The following ATXN7L1 variants were observed in gnomAD, a reference collection of about 807,000 sequenced individuals.
ATXN7L1 encodes ataxin-7-like protein 1.
ATXN7L1 carries 15 observed loss-of-function variants against 70.8 expected under a neutral mutation model. That is an observed-to-expected ratio of 0.21 (90% CI 0.14 to 0.33). The LOEUF (loss-of-function observed/expected upper bound fraction) is 0.33. Among genes scored for constraint, ATXN7L1 ranks in the 10% least tolerant of loss-of-function variants. The pLI is 1.00. For missense variants in ATXN7L1, 975 were observed against 1,097.1 expected (o/e 0.89, Z 1.57); for synonymous variants, 440 against 445.1 (o/e 0.99, Z 0.14).
Position 105,644,298 on chromosome 7 carries a change from G to A in ATXN7L1, c.579-1177C>T, listed in dbSNP as rs138564193. Among the ~76,000 whole-genome samples, 6 of 152,248 alleles carry A rather than the reference G, an allele frequency of 3.9e-5. No homozygotes were observed. The East Asian group carries it at 9.6e-4, about 24-fold the overall frequency. On this transcript the variant is annotated intron_variant, in intron 4 of 11. Coordinates refer to ENST00000419735, the MANE Select transcript of ATXN7L1 (RefSeq NM_020725.2). ...TTATTTTAGCCCCCTCTCAGCCCCT[G>A]CCCCTTTTATGACTCTGAAATAGGA... is the stretch of plus-strand genomic sequence containing the variant.
chr7:105,795,423 A>G (rs1001067672), intron 2 of ATXN7L1, among the ~76,000 whole-genome samples: 14 of 152,204 alleles, frequency 9.2e-5, no homozygotes, highest in Non-Finnish European at 1.5e-5. Flanking sequence ...GACATCTCCA[A>G]TTCTCTATTT....
intron 3 of ATXN7L1, among the ~76,000 whole-genome samples, chr7:105,752,146 C>T (rs548631877): frequency 1.3e-5 from 2 of 152,268 alleles, no homozygotes; most frequent in Admixed American, 6.5e-5. Flanking sequence ...TCGGGAAGAA[C>T]AATTGCGAAT....
At position 105,665,124 on chromosome 7, in the gene ATXN7L1, T is replaced by C; in HGVS notation, c.520A>G (p.Thr174Ala). 2 of 1,551,628 alleles carry C rather than the reference T, an allele frequency of 1.3e-6. No homozygotes were observed. The highest frequency in any genetic ancestry group is 2.4e-5 in the South Asian group (2 of 84,060). The change falls in exon 4 of 12, where the codon ACC (threonine) becomes GCC (alanine). Residue 174 changes from threonine to alanine, a missense_variant. Physicochemically the swap from Thr to Ala is moderately conservative, Grantham distance 58 (BLOSUM62 0). This residue lies in a region of ATXN7L1 where 192 missense variants were observed against 215.5 expected (regional missense o/e 0.89). Coordinates refer to ENST00000419735, the MANE Select transcript of ATXN7L1 (RefSeq NM_020725.2). ...ACTGTGTGCTGTTTGCTGCTGGAGG[T>C]AAGTAGATTGTCTTTGGGCGTTTTG... is the stretch of plus-strand genomic sequence containing the variant. ...PFKTPKDNLL[T>A]SSSKQHTVFP...
In ATXN7L1 at chr7:105,609,923, C is replaced by A. The variant is rs144962686; in HGVS notation, c.2547+606G>T. On this transcript the variant is annotated intron_variant, in intron 11 of 11. Coordinates refer to ENST00000419735, the MANE Select transcript of ATXN7L1 (RefSeq NM_020725.2). Reference sequence around the variant, plus strand: ...AGTAGCTGGGACTACAGGAACGCACCACCACGCCCGGTTACTTTTTGTATT... The same window carrying A: ...AGTAGCTGGGACTACAGGAACGCACAACCACGCCCGGTTACTTTTTGTATT... Among the ~76,000 whole-genome samples, 4 of 152,248 alleles carry A rather than the reference C, an allele frequency of 2.6e-5. No individual in the cohort carries two copies. The East Asian group carries it at 7.7e-4, about 29-fold the overall frequency.
At chr7:105,793,110 T>C (rs1403747402) in intron 2 of ATXN7L1, among the ~76,000 whole-genome samples, 1 of 152,232 alleles carries the variant, frequency 6.6e-6, no homozygotes, top group East Asian at 1.9e-4. Context: ...AAAATGCTTC[T>C]TACGTAGAAC....
In ATXN7L1 at chr7:105,671,361, G is replaced by A. The variant is rs190599131; in HGVS notation, c.356-6073C>T. 2.0e-5 allele frequency among the ~76,000 whole-genome samples: 3 copies of A among 152,160 alleles called. No individual in the cohort carries two copies. The East Asian group carries it at 5.8e-4, about 29-fold the overall frequency. Reference sequence around the variant, plus strand: ...ATAATTCCCAAAGTGAAAGGCTGCAGCTTTATAGCTCTTGCTACACATTTC... The same window carrying A: ...ATAATTCCCAAAGTGAAAGGCTGCAACTTTATAGCTCTTGCTACACATTTC... On this transcript the variant is annotated intron_variant, in intron 3 of 11. Coordinates refer to ENST00000419735, the MANE Select transcript of ATXN7L1 (RefSeq NM_020725.2).
chr7:105,646,770 C>CAAA (rs5886362), intron 4 of ATXN7L1, among the ~76,000 whole-genome samples: 5,486 of 118,376 alleles, frequency 0.046, 438 homozygotes, highest in African/African-American at 0.16. Flanking sequence ...CATGTCTCTA[C>CAAA]AAAAAAAAAA....
chr7:105,682,383 G>T (rs1805657028), intron 3 of ATXN7L1, among the ~76,000 whole-genome samples: 1 of 152,130 alleles, frequency 6.6e-6, no homozygotes, highest in African/African-American at 2.4e-5. Context: ...TAATAAAAAA[G>T]TTAAATATAG....
intron 2 of ATXN7L1, among the ~76,000 whole-genome samples, chr7:105,843,080 G>A (rs1813466761): frequency 2.0e-5 from 3 of 152,152 alleles, no homozygotes; most frequent in Non-Finnish European, 1.5e-5. Context: ...GCTTGGTGCA[G>A]GCAGAGCAAG....
intron 3 of ATXN7L1, among the ~76,000 whole-genome samples, chr7:105,695,908 T>A (rs1286032697): frequency 6.6e-6 from 1 of 152,162 alleles, no homozygotes; most frequent in Non-Finnish European, 1.5e-5. Flanking sequence ...GGTGGGTTAC[T>A]GCAGATGGCC....
intron 2 of ATXN7L1, among the ~76,000 whole-genome samples, chr7:105,813,737 G>A (rs1404812902): frequency 6.6e-6 from 1 of 151,904 alleles, no homozygotes; most frequent in Non-Finnish European, 1.5e-5. Flanking sequence ...AAATCATTTG[G>A]CCACTTTCTG....
chr7:105,704,078 A>C (rs1792822047), intron 3 of ATXN7L1, among the ~76,000 whole-genome samples: 1 of 152,166 alleles, frequency 6.6e-6, no homozygotes, highest in Admixed American at 6.5e-5. Flanking sequence ...ACTGTGTCCT[A>C]CCAGAGAGAA....
chr7:105,613,826 C>A (rs1480557202), intron 10 of ATXN7L1, 36 bp downstream of exon 10: 1 of 1,551,748 alleles, frequency 6.4e-7, no homozygotes, highest in Non-Finnish European at 8.7e-7. Flanking sequence ...CCCTGCCCCC[C>A]AGAGCCGGTG....
intron 3 of ATXN7L1, among the ~76,000 whole-genome samples, chr7:105,773,889 A>G (rs1345337324): frequency 6.6e-6 from 1 of 152,186 alleles, no homozygotes; most frequent in Admixed American, 6.5e-5. Context: ...TAAAAAAAAT[A>G]AATGATAGGA....
At chr7:105,671,653 T>G (rs1473289553) in intron 3 of ATXN7L1, among the ~76,000 whole-genome samples, 2 of 152,106 alleles carry the variant, frequency 1.3e-5, no homozygotes, top group Non-Finnish European at 2.9e-5. Context: ...TTCCCGCACT[T>G]TGGGAGGCTG....
intron 2 of ATXN7L1, among the ~76,000 whole-genome samples, chr7:105,793,820 C>T (rs1289085751): frequency 6.6e-6 from 1 of 152,202 alleles, no homozygotes; most frequent in Non-Finnish European, 1.5e-5. Flanking sequence ...GGCCTGATCA[C>T]AGGCAGGGAG....
In ATXN7L1 at chr7:105,638,614, G is replaced by A. The variant is rs553370990; in HGVS notation, c.946-5C>T. The A allele has an allele frequency of 6.5e-7, 1 of 1,547,876 alleles. No homozygotes were observed. Among genetic ancestry groups the A allele is most frequent in the South Asian group, 1.2e-5 (1 of 83,798 alleles). On this transcript the variant is annotated splice_region_variant and splice_polypyrimidine_tract_variant and intron_variant, in intron 6 of 11. Transcript: ENST00000419735. ...CCGATGGCTTAGCGAATGTGTCTAA[G>A]GAGAAGAGAAATGAAAAGCACAGCC...
intron 2 of ATXN7L1, among the ~76,000 whole-genome samples, chr7:105,813,523 G>A (rs1808743350): frequency 6.6e-6 from 1 of 152,126 alleles, no homozygotes; most frequent in African/African-American, 2.4e-5. Flanking sequence ...TTTTAGTAGA[G>A]ACGGGGTTTC....
intron 3 of ATXN7L1, among the ~76,000 whole-genome samples, chr7:105,718,513 C>T (rs1794822363): frequency 6.6e-6 from 1 of 152,208 alleles, no homozygotes; most frequent in Non-Finnish European, 1.5e-5. Context: ...GTCATATCTA[C>T]CTTTTGGTGT....
Sources: allele counts gnomAD v4.1 joint callset (sites outside exome capture counted in the v4.1 genomes callset), GRCh38; gene constraint gnomAD v4.1.1; regional missense constraint gnomAD v4.1.1; transcripts MANE v1.5; gene names NCBI Gene and HGNC (gene_info 2026-07-23, HGNC 2026-07-21).